The following LIN7A variants were observed in gnomAD, a reference collection of about 807,000 sequenced individuals.
The protein encoded by LIN7A is protein lin-7 homolog A.
LIN7A carries 25 observed loss-of-function variants against 29.8 expected under a neutral mutation model. That is an observed-to-expected ratio of 0.84 (90% CI 0.61 to 1.17). The LOEUF (loss-of-function observed/expected upper bound fraction) is 1.17. Ranked by LOEUF, LIN7A falls within the 50% of genes most tolerant of loss-of-function variation. The pLI is 0.00. For synonymous variants in LIN7A, 118 were observed against 107.5 expected, an observed-to-expected ratio of 1.10 and a Z score of -0.60; for missense variants, 239 against 287.0, an observed-to-expected ratio of 0.83 and a Z score of 1.21.
chr12:80,851,860 A>C (rs922529283), intron 2 of LIN7A, among the ~76,000 whole-genome samples: 7 of 152,162 alleles, frequency 4.6e-5, no homozygotes, highest in African/African-American at 1.7e-4. Flanking sequence ...AGCATTATTA[A>C]TTTCCTAACC....
intron 4 of LIN7A, among the ~76,000 whole-genome samples, chr12:80,819,060 G>T (rs898249167): frequency 3.9e-5 from 6 of 152,102 alleles, no homozygotes; most frequent in African/African-American, 7.2e-5. Flanking sequence ...GTCAATCAAG[G>T]TCCAAAAATA....
chr12:80,837,453 ATG>A (rs1234476552), intron 4 of LIN7A, among the ~76,000 whole-genome samples: 1 of 152,148 alleles, frequency 6.6e-6, no homozygotes, highest in Non-Finnish European at 1.5e-5. Flanking sequence ...TAACGTTACC[ATG>A]GAGATAGAGA....
chr12:80,930,107 C>A (rs1340312297), intron 1 of LIN7A, among the ~76,000 whole-genome samples: 2 of 152,168 alleles, frequency 1.3e-5, no homozygotes, highest in African/African-American at 4.8e-5. Context: ...TATCTCCACA[C>A]TGGGCAAGTA....
intron 2 of LIN7A, 67 bp downstream of exon 2, chr12:80,889,184 G>A (rs1044734194): frequency 1.2e-6 from 1 of 858,854 alleles, no homozygotes; most frequent in African/African-American, 1.7e-5. Context: ...TGTTTGTGTA[G>A]AGAAGACATG....
At chr12:80,930,547 T>C (rs1877844898) in intron 1 of LIN7A, among the ~76,000 whole-genome samples, 1 of 152,230 alleles carries the variant, frequency 6.6e-6, no homozygotes. Context: ...CTTATATATA[T>C]GTGTGTGGAG....
At chr12:80,800,655 T>A (rs1224129663) in intron 5 of LIN7A, among the ~76,000 whole-genome samples, 1 of 152,090 alleles carries the variant, frequency 6.6e-6, no homozygotes, top group Admixed American at 6.5e-5. Flanking sequence ...ACTGGAGAAT[T>A]CTACCAAAAT....
chr12:80,894,315 G>C (rs893665570), intron 1 of LIN7A, among the ~76,000 whole-genome samples: 1 of 152,102 alleles, frequency 6.6e-6, no homozygotes, highest in Non-Finnish European at 1.5e-5. Flanking sequence ...GAGGCTGCCA[G>C]GTAAGCACAA....
At chr12:80,812,748 A>C (rs1018633287) in intron 4 of LIN7A, among the ~76,000 whole-genome samples, 3 of 151,478 alleles carry the variant, frequency 2.0e-5, no homozygotes, top group African/African-American at 7.3e-5. Flanking sequence ...ATGGCGTTTC[A>C]CTATGTTGGC....
intron 1 of LIN7A, among the ~76,000 whole-genome samples, chr12:80,906,391 A>G (rs1219405621): frequency 6.6e-6 from 1 of 152,182 alleles, no homozygotes; most frequent in Non-Finnish European, 1.5e-5. Flanking sequence ...GTGAGAGAAG[A>G]TAGAGTGGAT....
intron 2 of LIN7A, among the ~76,000 whole-genome samples, chr12:80,867,700 A>G (rs1874214398): frequency 6.6e-6 from 1 of 152,236 alleles, no homozygotes; most frequent in Non-Finnish European, 1.5e-5. Context: ...TCAGAGGAAT[A>G]TCAACCATAA....
intron 1 of LIN7A, among the ~76,000 whole-genome samples, chr12:80,892,949 G>A (rs959812185): frequency 6.6e-6 from 1 of 152,158 alleles, no homozygotes. Flanking sequence ...GAATCACCCA[G>A]AAAAGCTTAT....
chr12:80,859,994 T>C (rs1303044565), intron 2 of LIN7A, among the ~76,000 whole-genome samples: 1 of 152,242 alleles, frequency 6.6e-6, no homozygotes, highest in Non-Finnish European at 1.5e-5. Flanking sequence ...ACTTAAAGCT[T>C]CATATTACTC....
At chr12:80,910,750 T>C (rs2120799458) in intron 1 of LIN7A, among the ~76,000 whole-genome samples, 1 of 152,310 alleles carries the variant, frequency 6.6e-6, no homozygotes, top group East Asian at 1.9e-4. Context: ...TGTATGTGTA[T>C]CCTTTTTGTG....
chr12:80,894,532 G>A (rs1486725941), intron 1 of LIN7A, among the ~76,000 whole-genome samples: 3 of 152,060 alleles, frequency 2.0e-5, no homozygotes, highest in South Asian at 4.2e-4. Context: ...TAGAATTTTC[G>A]ATTTAATAAT....
At chr12:80,849,758 C>T (rs1471118612) in intron 2 of LIN7A, among the ~76,000 whole-genome samples, 1 of 152,100 alleles carries the variant, frequency 6.6e-6, no homozygotes, top group African/African-American at 2.4e-5. Context: ...TCTGCACATG[C>T]CGTTTACTCT....
intron 1 of LIN7A, among the ~76,000 whole-genome samples, chr12:80,895,099 T>G (rs1186859254): frequency 6.6e-6 from 1 of 152,208 alleles, no homozygotes; most frequent in Non-Finnish European, 1.5e-5. Flanking sequence ...ATTGTGAGCT[T>G]GGGTAAACAG....
chr12:80,929,456 T>C (rs756347922), intron 1 of LIN7A, among the ~76,000 whole-genome samples: 19 of 152,216 alleles, frequency 1.2e-4, no homozygotes, highest in Non-Finnish European at 2.6e-4. Context: ...ATTCAAAATA[T>C]TGGTAACAGT....
At chr12:80,804,377 C>G (rs1234024084) in intron 5 of LIN7A, among the ~76,000 whole-genome samples, 1 of 151,400 alleles carries the variant, frequency 6.6e-6, no homozygotes, top group African/African-American at 2.4e-5. Flanking sequence ...CCTCCACTAT[C>G]CTTCCCAGCC....
chr12:80,881,760 C>A (rs1293759606), intron 2 of LIN7A, among the ~76,000 whole-genome samples: 1 of 151,980 alleles, frequency 6.6e-6, no homozygotes, highest in African/African-American at 2.4e-5. Flanking sequence ...AGCATCTAAT[C>A]TCTGCTGTTG....
Sources: allele counts gnomAD v4.1 joint callset (sites outside exome capture counted in the v4.1 genomes callset), GRCh38; gene constraint gnomAD v4.1.1; transcripts MANE v1.5; gene names NCBI Gene and HGNC (gene_info 2026-07-23, HGNC 2026-07-21).